SOD2: variants seen among roughly 807,000 people sequenced by gnomAD.
The protein encoded by SOD2 is superoxide dismutase [Mn], mitochondrial.
In SOD2, 11 loss-of-function variants were observed where a neutral mutation model predicts 27.0. The ratio of observed to expected loss-of-function variants is 0.41; its 90% CI spans 0.26 to 0.67. The LOEUF (loss-of-function observed/expected upper bound fraction) is 0.67. Among genes scored for constraint, SOD2 ranks in the 30% least tolerant of loss-of-function variants. The pLI, the probability that SOD2 is intolerant of heterozygous loss-of-function variation, is 0.34. For missense variants in SOD2, 250 were observed against 274.5 expected, an observed-to-expected ratio of 0.91 and a Z score of 0.63; for synonymous variants, 105 against 103.0, an observed-to-expected ratio of 1.02 and a Z score of -0.12.
At chr6:159,690,078 G>A (rs1396119075) in intron 2 of SOD2, among the ~76,000 whole-genome samples, 3 of 151,136 alleles carry the variant, frequency 2.0e-5, no homozygotes, top group Non-Finnish European at 4.4e-5. Flanking sequence ...GAGGTCAGGA[G>A]TTCCAGACCA....
rs1779638266 is a variant in SOD2, at chr6:159,670,771, A to G, written c.*11722T>C. ...GGACGGTGGGTGCAGCCCACTGAGC[A>G]TGAGCTGAAGCAGGGCAAGGCATGG... On this transcript the variant is annotated 3_prime_UTR_variant, in exon 5 of 5. Transcript: ENST00000538183. The G allele has an allele frequency of 1.3e-5, 2 of 152,406 alleles. No individual in the cohort carries two copies. The highest frequency in any genetic ancestry group is 2.9e-5 in the Non-Finnish European group (2 of 68,226). The allele number at this position is 152,406 out of a possible 1,614,324, so 9.4% of individuals were successfully genotyped here.
chr6:159,727,865 C>A (rs2114854351), upstream of SOD2, among the ~76,000 whole-genome samples: 1 of 152,338 alleles, frequency 6.6e-6, no homozygotes, highest in South Asian at 2.1e-4. Flanking sequence ...TTCCCGCCTG[C>A]GGGGAACACT....
chr6:159,718,614 G>T (rs902369718), intron 1 of SOD2, among the ~76,000 whole-genome samples: 3 of 152,060 alleles, frequency 2.0e-5, no homozygotes, highest in African/African-American at 7.2e-5. Flanking sequence ...GATATATTGG[G>T]TTATGTTGCA....
intron 1 of SOD2, among the ~76,000 whole-genome samples, chr6:159,756,810 C>T (rs968917916): frequency 6.6e-6 from 1 of 152,082 alleles, no homozygotes; most frequent in Non-Finnish European, 1.5e-5. Flanking sequence ...CGCTATGTTG[C>T]ACAGGCTGGC....
At chr6:159,697,363 G>C (rs1209599192), upstream of SOD2, among the ~76,000 whole-genome samples, 2 of 151,542 alleles carry the variant, frequency 1.3e-5, no homozygotes, top group Non-Finnish European at 2.9e-5. Context: ...CCTGTCCTTT[G>C]CAAGAGTGGT....
chr6:159,754,813 G>A (rs946852264), intron 1 of SOD2, among the ~76,000 whole-genome samples: 1 of 152,014 alleles, frequency 6.6e-6, no homozygotes, highest in African/African-American at 2.4e-5. Flanking sequence ...CATGTGGAGG[G>A]CCAACTGTAT....
At chr6:159,761,340 C>T (rs1245847372) in exon 1 of SOD2, 1 of 305,840 alleles carries the variant, frequency 3.3e-6, no homozygotes, top group Non-Finnish European at 6.6e-6. Flanking sequence ...ACAAAACTGA[C>T]CCCACTTGTT....
At chr6:159,704,861 T>G (rs1777592457) in intron 1 of SOD2, among the ~76,000 whole-genome samples, 1 of 152,180 alleles carries the variant, frequency 6.6e-6, no homozygotes, top group Non-Finnish European at 1.5e-5. Flanking sequence ...GTAGCCTAAC[T>G]GGGAGGCACC....
intron 1 of SOD2, among the ~76,000 whole-genome samples, chr6:159,732,906 T>TGTGTGTGTGTGG (rs2114880360): frequency 1.8e-5 from 2 of 110,544 alleles, no homozygotes; most frequent in South Asian, 6.1e-4. Context: ...TGTGTGTGTG[T>TGTGTGTGTGTGG]GTGTGTGTGT....
At chr6:159,727,405 C>T (rs1021761618), upstream of SOD2, 11 of 1,208,848 alleles carry the variant, frequency 9.1e-6, no homozygotes, top group African/African-American at 1.7e-4. Context: ...AGGCGGGAGG[C>T]AGTGGCGCTG....
intron 1 of SOD2, chr6:159,760,830 C>G (rs1280632950): frequency 1.3e-5 from 2 of 152,156 alleles, no homozygotes; most frequent in African/African-American, 4.8e-5. Context: ...GGGAGGCATT[C>G]CTTGAATTCC....
upstream of SOD2, among the ~76,000 whole-genome samples, chr6:159,693,924 T>G (rs888046690): frequency 1.3e-5 from 2 of 152,242 alleles, no homozygotes; most frequent in African/African-American, 2.4e-5. Flanking sequence ...AGAACAGTTC[T>G]TGGACACCCA....
At chr6:159,695,317 A>G (rs1777401883), upstream of SOD2, among the ~76,000 whole-genome samples, 1 of 152,194 alleles carries the variant, frequency 6.6e-6, no homozygotes, top group South Asian at 2.1e-4. Context: ...CTCCTAGGAC[A>G]TGCCCTTTAG....
At chr6:159,761,658 G>A in exon 1 of SOD2, 1 of 442,668 alleles carries the variant, frequency 2.3e-6, no homozygotes, top group Non-Finnish European at 4.5e-6. Context: ...ATAAGTCTTT[G>A]TCACCCCCCA....
chr6:159,690,905 T>C (rs879857499), intron 2 of SOD2: 1 of 152,178 alleles, frequency 6.6e-6, no homozygotes, highest in African/African-American at 2.4e-5. Context: ...CAAATAATAA[T>C]AAAAGTCAAA....
upstream of SOD2, among the ~76,000 whole-genome samples, chr6:159,730,490 G>A (rs1038331746): frequency 6.6e-6 from 1 of 152,184 alleles, no homozygotes; most frequent in East Asian, 1.9e-4. Context: ...CGGTACATTC[G>A]TGTGGTGTGA....
At chr6:159,731,317 A>G (rs928593855), upstream of SOD2, among the ~76,000 whole-genome samples, 8 of 151,708 alleles carry the variant, frequency 5.3e-5, no homozygotes, top group Admixed American at 3.3e-4. Context: ...AAAAAAAACA[A>G]ATTAGCTGGG....
chr6:159,719,708 A>G (rs1777992131), intron 1 of SOD2, among the ~76,000 whole-genome samples: 1 of 142,406 alleles, frequency 7.0e-6, no homozygotes, highest in Non-Finnish European at 1.5e-5. Flanking sequence ...CTAACTCAGT[A>G]TTATGGTTTT....
At chr6:159,712,068 G>A (rs186822543) in intron 1 of SOD2, among the ~76,000 whole-genome samples, 551 of 9,954 alleles carry the variant, frequency 0.055, 111 homozygotes, top group African/African-American at 0.12. Flanking sequence ...ACCACCACTC[G>A]GCTGCTCAGA....
Sources: allele counts gnomAD v4.1 joint callset (sites outside exome capture counted in the v4.1 genomes callset), GRCh38; gene constraint gnomAD v4.1.1; transcripts MANE v1.5; gene names NCBI Gene and HGNC (gene_info 2026-07-23, HGNC 2026-07-21).